Variants in TMEM229B observed in about 807,000 individuals in gnomAD.
TMEM229B encodes the protein chromosome 14 open reading frame 83.
In TMEM229B, 6 loss-of-function variants were observed where a neutral mutation model predicts 13.7. The observed-to-expected ratio is 0.44, with a 90% CI of 0.24 to 0.86. TMEM229B has a LOEUF of 0.86. TMEM229B is among the 40% of genes least tolerant of loss of function. The pLI is 0.23. For synonymous variants in TMEM229B, 107 were observed against 102.1 expected, an observed-to-expected ratio of 1.05 and a Z score of -0.29; for missense variants, 170 against 236.0, an observed-to-expected ratio of 0.72 and a Z score of 1.83.
intron 1 of TMEM229B, among the ~76,000 whole-genome samples, chr14:67,522,485 A>C (rs149746450): frequency 3.8e-4 from 58 of 152,198 alleles, no homozygotes; most frequent in Admixed American, 2.5e-3. Flanking sequence ...AAAAGCTCTT[A>C]TGCTGCTATC....
At chr14:67,487,581 A>AT (rs1270117584) in intron 1 of TMEM229B, among the ~76,000 whole-genome samples, 13 of 152,342 alleles carry the variant, frequency 8.5e-5, no homozygotes, top group Admixed American at 5.2e-4. Flanking sequence ...AATGTAGGAC[A>AT]TTCGTTTCAG....
intron 2 of TMEM229B, among the ~76,000 whole-genome samples, chr14:67,474,911 CTTCT>C (rs1231593590): frequency 1.6e-5 from 2 of 124,376 alleles, no homozygotes; most frequent in Non-Finnish European, 3.2e-5. Context: ...TCAGAATTTC[CTTCT>C]TTTTTTTTTT....
intron 1 of TMEM229B, among the ~76,000 whole-genome samples, chr14:67,531,972 A>T (rs1455665466): frequency 6.6e-6 from 1 of 151,852 alleles, no homozygotes; most frequent in Non-Finnish European, 1.5e-5. Flanking sequence ...AAATCCAGAG[A>T]ACGTGTTTTT....
intron 2 of TMEM229B, among the ~76,000 whole-genome samples, chr14:67,479,360 G>A (rs902611456): frequency 9.4e-5 from 14 of 148,616 alleles, no homozygotes; most frequent in African/African-American, 2.3e-4. Context: ...AGCAGTGAGC[G>A]AGATCGTACC....
chr14:67,500,573 A>ATT lies in TMEM229B; in HGVS notation c.-191-13403_-191-13402dup, dbSNP rs529810754. On this transcript the variant is annotated intron_variant, in intron 1 of 2. Transcript: ENST00000357461. ...TTTATGATTTTCCATGTGCATTTGG[A>ATT]TTTTTTTTTTTTTTTTGAGATGGAG... Among the ~76,000 whole-genome samples the ATT allele has an allele frequency of 7.7e-3, 1,068 of 138,854 alleles. 14 individuals are homozygous for ATT. Among genetic ancestry groups the ATT allele is most frequent in the African/African-American group, 0.019 (722 of 37,630 alleles). 91.1% of individuals were successfully genotyped at this position (138,854 alleles called of 152,430 possible).
At chr14:67,497,220 G>T (rs982836863) in intron 1 of TMEM229B, among the ~76,000 whole-genome samples, 2 of 152,124 alleles carry the variant, frequency 1.3e-5, no homozygotes, top group Admixed American at 1.3e-4. Context: ...GGTTGTCTGG[G>T]GTCACGGGAG....
At chr14:67,511,712 C>A (rs982941088) in intron 1 of TMEM229B, among the ~76,000 whole-genome samples, 1 of 152,100 alleles carries the variant, frequency 6.6e-6, no homozygotes, top group Admixed American at 6.6e-5. Flanking sequence ...GAGCAGGGGG[C>A]CAGCATCACT....
chr14:67,475,289 A>T (rs1362099587), intron 2 of TMEM229B, among the ~76,000 whole-genome samples: 1 of 152,162 alleles, frequency 6.6e-6, no homozygotes, highest in Non-Finnish European at 1.5e-5. Flanking sequence ...CCATTCATCC[A>T]TTGATGGACA....
intron 2 of TMEM229B, among the ~76,000 whole-genome samples, chr14:67,484,464 A>T (rs1321756433): frequency 6.6e-6 from 1 of 152,250 alleles, no homozygotes; most frequent in Non-Finnish European, 1.5e-5. Context: ...TTCTAATTAT[A>T]AAAGCAACAT....
chr14:67,500,143 A>T (rs539703068), intron 1 of TMEM229B, among the ~76,000 whole-genome samples: 56 of 152,240 alleles, frequency 3.7e-4, no homozygotes, highest in African/African-American at 1.2e-3. Flanking sequence ...CAGCCTGGGC[A>T]ACAGAGTGAG....
intron 2 of TMEM229B, among the ~76,000 whole-genome samples, chr14:67,486,306 T>C (rs777078274): frequency 4.2e-4 from 64 of 152,226 alleles, no homozygotes; most frequent in Non-Finnish European, 1.2e-4. Context: ...GACAGAGTCT[T>C]GCTCTGTTGC....
upstream of TMEM229B, among the ~76,000 whole-genome samples, chr14:67,490,823 G>GA (rs1002370239): frequency 5.9e-5 from 9 of 151,586 alleles, no homozygotes; most frequent in African/African-American, 2.2e-4. Flanking sequence ...CCCTGTAAAG[G>GA]AAAAAAAGTT....
intron 2 of TMEM229B, among the ~76,000 whole-genome samples, chr14:67,478,648 C>T (rs78062608): frequency 8.9e-4 from 135 of 152,348 alleles, no homozygotes; most frequent in African/African-American, 3.0e-3. Context: ...CTTCACAACT[C>T]GTCCCTGCCT....
intron 1 of TMEM229B, among the ~76,000 whole-genome samples, chr14:67,521,904 C>T (rs113574298): frequency 5.3e-5 from 8 of 152,106 alleles, no homozygotes; most frequent in African/African-American, 1.9e-4. Context: ...AAGCCGGGCA[C>T]GGTGGCTCAT....
chr14:67,526,566 A>C (rs1457643697), intron 1 of TMEM229B, among the ~76,000 whole-genome samples: 2 of 152,184 alleles, frequency 1.3e-5, no homozygotes, highest in Admixed American at 6.5e-5. Context: ...ACGACGCAAA[A>C]TTGAACAGGA....
intron 2 of TMEM229B, among the ~76,000 whole-genome samples, chr14:67,480,529 C>T (rs570277852): frequency 2.0e-5 from 3 of 152,228 alleles, no homozygotes; most frequent in African/African-American, 7.2e-5. Flanking sequence ...CTCCTACCCC[C>T]GGGCAGGAGA....
chr14:67,490,707 C>G (rs1332306750), upstream of TMEM229B, among the ~76,000 whole-genome samples: 4 of 152,298 alleles, frequency 2.6e-5, no homozygotes, highest in Non-Finnish European at 2.9e-5. Flanking sequence ...GGCCCCTCAT[C>G]ATCTCCTTGG....
intron 1 of TMEM229B, among the ~76,000 whole-genome samples, chr14:67,496,421 T>TTTTTTTG (rs1491168123): frequency 8.5e-6 from 1 of 117,498 alleles, no homozygotes; most frequent in African/African-American, 3.5e-5. Flanking sequence ...TTTTTTTTTT[T>TTTTTTTG]GAGACAGGGT....
chr14:67,486,882 C>T (rs995412008), intron 2 of TMEM229B, 118 bp downstream of exon 2: 1 of 152,096 alleles, frequency 6.6e-6, no homozygotes, highest in Non-Finnish European at 1.5e-5. Context: ...TGTGACAGGA[C>T]CTTGGATGGG....
Sources: gnomAD v4.1 joint callset for allele counts (sites outside exome capture counted in the v4.1 genomes callset) on GRCh38, gnomAD v4.1.1 for gene constraint, MANE v1.5 for transcripts, NCBI Gene and HGNC (gene_info 2026-07-23, HGNC 2026-07-21) for gene names.